Variants in MACROH2A2 observed in about 807,000 individuals in gnomAD.
MACROH2A2 encodes the protein core histone macro-H2A.2.
MACROH2A2 carries 6 observed loss-of-function variants against 37.6 expected under a neutral mutation model. The ratio of observed to expected loss-of-function variants is 0.16; its 90% confidence interval spans 0.09 to 0.32. The LOEUF is 0.32. Among genes scored for constraint, MACROH2A2 ranks in the 10% least tolerant of loss-of-function variants. MACROH2A2 has a pLI of 1.00. For synonymous variants in MACROH2A2, 192 were observed against 202.7 expected, an observed-to-expected ratio of 0.95 and a Z score of 0.45; for missense variants, 290 against 485.9, an observed-to-expected ratio of 0.60 and a Z score of 3.79.
intron 2 of MACROH2A2, among the ~76,000 whole-genome samples, chr10:70,080,653 G>C (rs1384350327): frequency 6.6e-6 from 1 of 151,798 alleles, no homozygotes; most frequent in South Asian, 2.1e-4. Flanking sequence ...AGATCAAGGC[G>C]AGTGGATCAC....
chr10:70,072,129 A>C (rs1348935523), intron 1 of MACROH2A2, among the ~76,000 whole-genome samples: 2 of 152,256 alleles, frequency 1.3e-5, no homozygotes, highest in Non-Finnish European at 1.5e-5. Context: ...AATAACACTT[A>C]GCTTAAAACA....
At chr10:70,081,837 A>G (rs2072178437) in intron 2 of MACROH2A2, among the ~76,000 whole-genome samples, 2 of 152,204 alleles carry the variant, frequency 1.3e-5, no homozygotes, top group South Asian at 4.1e-4. Context: ...TTAAATAGCT[A>G]AAAGAGTATA....
intron 3 of MACROH2A2, among the ~76,000 whole-genome samples, chr10:70,090,873 G>A (rs1458500866): frequency 6.6e-6 from 1 of 152,248 alleles, no homozygotes; most frequent in African/African-American, 2.4e-5. Flanking sequence ...TGTTGTCACT[G>A]ACGGGTAACT....
intron 2 of MACROH2A2, among the ~76,000 whole-genome samples, chr10:70,077,587 T>TA (rs1336603357): frequency 6.6e-6 from 1 of 151,432 alleles, no homozygotes; most frequent in Non-Finnish European, 1.5e-5. Flanking sequence ...TCTCAAAAAA[T>TA]AAAGGCCGGG....
intron 1 of MACROH2A2, among the ~76,000 whole-genome samples, chr10:70,068,676 C>G (rs536654933): frequency 4.6e-5 from 7 of 152,214 alleles, no homozygotes; most frequent in Non-Finnish European, 1.0e-4. Context: ...GTGCACCCTA[C>G]TGTTGAAACT....
chr10:70,097,365 C>G (rs2072282046), intron 6 of MACROH2A2, among the ~76,000 whole-genome samples: 1 of 152,182 alleles, frequency 6.6e-6, no homozygotes, highest in South Asian at 2.1e-4. Flanking sequence ...GGGCTTAGCA[C>G]AGTGCTGGGC....
At chr10:70,061,927 G>A (rs2072052753) in intron 1 of MACROH2A2, among the ~76,000 whole-genome samples, 1 of 152,032 alleles carries the variant, frequency 6.6e-6, no homozygotes, top group South Asian at 2.1e-4. Flanking sequence ...ACTTAAAGGT[G>A]GCCTTGAAAG....
chr10:70,086,421 A>T (rs941227774), intron 2 of MACROH2A2, among the ~76,000 whole-genome samples: 1 of 152,180 alleles, frequency 6.6e-6, no homozygotes, highest in African/African-American at 2.4e-5. Context: ...CATCATCTGC[A>T]TTCCCTGAAT....
At chr10:70,076,259 A>C (rs2072138918) in intron 2 of MACROH2A2, among the ~76,000 whole-genome samples, 1 of 152,224 alleles carries the variant, frequency 6.6e-6, no homozygotes, top group African/African-American at 2.4e-5. Flanking sequence ...GTATATTTAA[A>C]CTGGGACTCA....
intron 3 of MACROH2A2, 61 bp downstream of exon 3, chr10:70,090,227 G>A (rs191163939): frequency 2.8e-6 from 3 of 1,087,746 alleles, no homozygotes; most frequent in African/African-American, 1.5e-5. Context: ...TAATGTGTGG[G>A]CCTGGCTGGC....
intron 7 of MACROH2A2, among the ~76,000 whole-genome samples, chr10:70,105,890 G>T (rs1207827281): frequency 2.0e-5 from 3 of 152,144 alleles, no homozygotes; most frequent in African/African-American, 7.2e-5. Flanking sequence ...TAGCCCTGGG[G>T]CCCCAGAAAG....
chr10:70,064,340 A>C (rs1029566813), intron 1 of MACROH2A2, among the ~76,000 whole-genome samples: 4 of 152,216 alleles, frequency 2.6e-5, no homozygotes, highest in Non-Finnish European at 4.4e-5. Context: ...ACTGCACTCC[A>C]ACCTGGGTGA....
chr10:70,067,473 A>G (rs2072085947), intron 1 of MACROH2A2, among the ~76,000 whole-genome samples: 1 of 152,240 alleles, frequency 6.6e-6, no homozygotes, highest in South Asian at 2.1e-4. Flanking sequence ...TGCTAGCATC[A>G]CACTTGATTC....
At chr10:70,109,288 G>A (rs2072356342) in intron 8 of MACROH2A2, 81 bp downstream of exon 8, 3 of 1,222,932 alleles carry the variant, frequency 2.5e-6, no homozygotes, top group South Asian at 2.5e-5. Flanking sequence ...TCTGATCTGG[G>A]TGTTGCCAAG....
At chr10:70,074,083 A>G (rs2072126333) in intron 1 of MACROH2A2, among the ~76,000 whole-genome samples, 1 of 152,134 alleles carries the variant, frequency 6.6e-6, no homozygotes, top group Non-Finnish European at 1.5e-5. Flanking sequence ...ATTTGCTTTT[A>G]CTTACTGAAG....
intron 5 of MACROH2A2, among the ~76,000 whole-genome samples, chr10:70,095,355 G>C (rs2136637749): frequency 6.7e-6 from 1 of 148,628 alleles, no homozygotes; most frequent in Middle Eastern, 3.4e-3. Flanking sequence ...GAGACAGAGT[G>C]AGACTCCGTC....
At chr10:70,106,002 G>A (rs538213363) in intron 7 of MACROH2A2, among the ~76,000 whole-genome samples, 1 of 152,308 alleles carries the variant, frequency 6.6e-6, no homozygotes, top group African/African-American at 2.4e-5. Context: ...ACTGGGCCCA[G>A]ACACGCAGGA....
At chr10:70,071,964 A>G (rs953560275) in intron 1 of MACROH2A2, among the ~76,000 whole-genome samples, 1 of 152,202 alleles carries the variant, frequency 6.6e-6, no homozygotes, top group African/African-American at 2.4e-5. Context: ...TAGCTACACT[A>G]CATTTAAAAG....
rs914388309 is a variant in MACROH2A2 at position 70,111,776 on chromosome 10, G to T, written c.*93G>T. The T allele has an allele frequency of 2.6e-6, 3 of 1,148,682 alleles. No homozygotes were observed. In the African/African-American group the frequency reaches 4.7e-5, roughly 18 times the overall value. 71.2% of individuals were successfully genotyped at this position (1,148,682 alleles called of 1,614,324 possible). ...AGGAGAGAGGAGGGGTGATGGCAGG[G>T]GAGTGGAGGGTGGCCGGGCAGGTCC... On this transcript the variant is annotated 3_prime_UTR_variant, in exon 9 of 9. Transcript: ENST00000373255.
Sources: allele counts gnomAD v4.1 joint callset (sites outside exome capture counted in the v4.1 genomes callset), GRCh38; gene constraint gnomAD v4.1.1; transcripts MANE v1.5; gene names NCBI Gene and HGNC (gene_info 2026-07-23, HGNC 2026-07-21).